Variants in MYOM1 observed in about 807,000 individuals in gnomAD.
MYOM1 encodes myomesin-1.
In MYOM1, 164 loss-of-function variants were observed where a neutral mutation model predicts 205.3. That is an observed-to-expected ratio of 0.80 (90% CI 0.70 to 0.91). The LOEUF is 0.91. Among genes scored for constraint, MYOM1 ranks in the 40% least tolerant of loss-of-function variants. The pLI, the probability that MYOM1 is intolerant of heterozygous loss-of-function variation, is 0.00. For missense variants in MYOM1, 2,011 were observed against 2,127.3 expected, an observed-to-expected ratio of 0.95 and a Z score of 1.08; for synonymous variants, 772 against 789.4, an observed-to-expected ratio of 0.98 and a Z score of 0.37.
chr18:3,223,186 T>C (rs2081339053), upstream of MYOM1, among the ~76,000 whole-genome samples: 1 of 152,198 alleles, frequency 6.6e-6, no homozygotes, highest in Admixed American at 6.5e-5. Flanking sequence ...TGGCTGTAAA[T>C]CTCAATTTCT....
intron 19 of MYOM1, among the ~76,000 whole-genome samples, chr18:3,126,260 A>T (rs573823181): frequency 7.7e-6 from 1 of 129,404 alleles, no homozygotes; most frequent in African/African-American, 3.0e-5. Context: ...GCAAGACTTC[A>T]TCTCAAAAAA....
intron 2 of MYOM1, among the ~76,000 whole-genome samples, chr18:3,211,118 G>A (rs1188431070): frequency 1.3e-5 from 2 of 152,124 alleles, no homozygotes; most frequent in African/African-American, 4.8e-5. Context: ...ATTCATTCTT[G>A]TAAGTTATTC....
intron 3 of MYOM1, among the ~76,000 whole-genome samples, chr18:3,193,381 C>CACACACACACACACAA (rs139388864): frequency 2.1e-5 from 3 of 141,474 alleles, no homozygotes; most frequent in South Asian, 2.2e-4. Context: ...CACACACACA[C>CACACACACACACACAA]AATAATAAAA....
intron 19 of MYOM1, among the ~76,000 whole-genome samples, chr18:3,120,988 A>T (rs2079681843): frequency 6.6e-6 from 1 of 152,248 alleles, no homozygotes; most frequent in South Asian, 2.1e-4. Context: ...AGTAAGAAAA[A>T]AATAACAGAC....
intron 26 of MYOM1, among the ~76,000 whole-genome samples, chr18:3,092,993 T>A (rs2079247396): frequency 6.6e-6 from 1 of 152,032 alleles, no homozygotes; most frequent in South Asian, 2.1e-4. Flanking sequence ...TTTTCCTTCC[T>A]CTCCCCTGAC....
chr18:3,084,504 A>T (rs2079126883), intron 31 of MYOM1, among the ~76,000 whole-genome samples: 1 of 152,244 alleles, frequency 6.6e-6, no homozygotes, highest in East Asian at 1.9e-4. Context: ...AGGTGAAATT[A>T]GTCAGACTTC....
rs376391977 is a variant in MYOM1 at position 3,088,786 on chromosome 18, T to C, written c.4137+388A>G. ...AGCTGGGGAATACCCAGGGGTATTG[T>C]TGCACCAGCCTCACAATTTACATGG... On this transcript the variant is annotated intron_variant, in intron 29 of 37. Coordinates refer to ENST00000356443, the MANE Select transcript of MYOM1 (RefSeq NM_003803.4). 9.2e-5 allele frequency among the ~76,000 whole-genome samples: 14 copies of C among 152,262 alleles called. No individual in the cohort carries two copies. The East Asian group carries it at 2.5e-3, about 27-fold the overall frequency.
chr18:3,243,376 G>C, the MYOM1 span, among the ~76,000 whole-genome samples: 1 of 152,180 alleles, frequency 6.6e-6, no homozygotes, highest in Non-Finnish European at 1.5e-5. Context: ...AATAAAAATT[G>C]CAAGTGATCC....
intron 2 of MYOM1, among the ~76,000 whole-genome samples, chr18:3,203,850 C>T (rs1489742874): frequency 2.0e-5 from 3 of 151,482 alleles, no homozygotes; most frequent in Non-Finnish European, 4.4e-5. Context: ...GACCAATATC[C>T]ATCATAGAGA....
intron 2 of MYOM1, among the ~76,000 whole-genome samples, chr18:3,208,613 G>A (rs559272219): frequency 2.6e-5 from 4 of 152,052 alleles, no homozygotes; most frequent in African/African-American, 7.2e-5. Flanking sequence ...AACTTCTACC[G>A]TTCAGGAAAT....
chr18:3,215,834 A>G (rs1007274328), intron 1 of MYOM1, among the ~76,000 whole-genome samples: 1 of 152,064 alleles, frequency 6.6e-6, no homozygotes, highest in African/African-American at 2.4e-5. Context: ...TTCATAATAC[A>G]TATTTCTAAT....
At chr18:3,166,901 C>T (rs1310929790) in intron 9 of MYOM1, among the ~76,000 whole-genome samples, 1 of 152,268 alleles carries the variant, frequency 6.6e-6, no homozygotes, top group South Asian at 2.1e-4. Context: ...ATAATCGTCT[C>T]TATAAATAAA....
intron 13 of MYOM1, among the ~76,000 whole-genome samples, chr18:3,142,818 G>A (rs888225169): frequency 1.4e-3 from 214 of 152,260 alleles, no homozygotes; most frequent in African/African-American, 4.8e-3. Flanking sequence ...CAGGAGCCAA[G>A]GTCCCAGTGG....
At chr18:3,187,104 A>T (rs551383375) in intron 5 of MYOM1, among the ~76,000 whole-genome samples, 6 of 152,300 alleles carry the variant, frequency 3.9e-5, no homozygotes, top group African/African-American at 1.4e-4. Flanking sequence ...TGATCACAAA[A>T]TCCTGCCATG....
intron 26 of MYOM1, among the ~76,000 whole-genome samples, chr18:3,093,111 C>A (rs1231323722): frequency 6.6e-6 from 1 of 152,128 alleles, no homozygotes; most frequent in East Asian, 1.9e-4. Context: ...CAGCAAGTCA[C>A]TCTATGCACT....
chr18:3,219,290 A>G lies in MYOM1; in HGVS notation c.-29+513T>C, dbSNP rs899695230. On this transcript the variant is annotated intron_variant, in intron 1 of 37. Transcript: ENST00000356443. The surrounding 1 kb of genome is among the most constrained non-coding windows in gnomAD (Gnocchi z 4.4). ...GTTGCCTCTGAAATATTACTTAACC[A>G]TTTGAGGCCATATCATTGTGCGCGC... Among the ~76,000 whole-genome samples the G allele has an allele frequency of 6.6e-5, 10 of 152,044 alleles. No individual in the cohort carries two copies. The highest frequency in any genetic ancestry group is 2.4e-4 in the African/African-American group (10 of 41,390).
At chr18:3,240,202 A>T in the MYOM1 span, among the ~76,000 whole-genome samples, 3 of 152,220 alleles carry the variant, frequency 2.0e-5, no homozygotes, top group Admixed American at 1.3e-4. Flanking sequence ...TCACTATGTT[A>T]GGCTATATAC....
At chr18:3,104,770 T>TG (rs2079429447) in intron 22 of MYOM1, among the ~76,000 whole-genome samples, 1 of 148,282 alleles carries the variant, frequency 6.7e-6, no homozygotes, top group Non-Finnish European at 1.5e-5. Context: ...TTTTTTTTTT[T>TG]GAGACAGGGT....
chr18:3,142,053 C>T lies in MYOM1; in HGVS notation c.1911G>A (p.Val637=), dbSNP rs1166836325. 5.0e-6 allele frequency: 8 copies of T among 1,613,228 alleles called. 1 individual carries two copies. The African/African-American group carries it at 9.4e-5, about 19-fold the overall frequency. The stretch of plus-strand genomic sequence containing the variant: ...CAGAGAGGTCTGTCGGGGGGCCAGG[C>T]ACAATACCCTCTGAAAAACAACAAG... ...VTEEEPSEGI[V]PGPPTDLSVT... The change falls in exon 14 of 38, where the codon GTG becomes GTA. Residue 637 remains valine, a synonymous_variant. Transcript: ENST00000356443.
Sources: allele counts gnomAD v4.1 joint callset (sites outside exome capture counted in the v4.1 genomes callset), GRCh38; gene constraint gnomAD v4.1.1; non-coding constraint Gnocchi (gnomAD v3.1); transcripts MANE v1.5; gene names NCBI Gene and HGNC (gene_info 2026-07-23, HGNC 2026-07-21).